Variants in PSME4 observed in about 807,000 individuals in gnomAD.
PSME4 encodes proteasome activator subunit 4.
Under a neutral mutation model 253.9 loss-of-function variants are expected in PSME4, and 89 were observed. The observed-to-expected ratio is 0.35, with a 90% CI of 0.30 to 0.42. PSME4 has a LOEUF of 0.42. PSME4 is among the 10% of genes least tolerant of loss of function. The probability of loss-of-function intolerance (pLI) is 1.00; values close to 1 mark genes in which losing one functional copy is unlikely to be tolerated. For missense variants in PSME4, 2,014 were observed against 2,195.2 expected, an observed-to-expected ratio of 0.92 and a Z score of 1.65; for synonymous variants, 851 against 759.2, an observed-to-expected ratio of 1.12 and a Z score of -1.99.
rs535149432 is a variant in PSME4, at chr2:53,936,709, G to A, written c.759+55C>T. ...TCTCCAAATTAAAAAAGTATGGGGG[G>A]GAAAAAAGAAAAAAAAAACTATAGG... On this transcript the variant is annotated intron_variant, in intron 6 of 46. Transcript: ENST00000404125. The A allele has an allele frequency of 7.6e-3, 9,543 of 1,257,792 alleles. 62 individuals are homozygous for A. The highest frequency in any genetic ancestry group is 8.5e-3 in the Non-Finnish European group (7,827 of 923,412). 77.9% of individuals were successfully genotyped at this position (1,257,792 alleles called of 1,614,324 possible). A position where few individuals can be genotyped will look rare whatever the true frequency, so the allele number is the denominator to read the frequency against.
chr2:53,912,698 C>T (rs1389418089), intron 20 of PSME4, among the ~76,000 whole-genome samples: 2 of 152,054 alleles, frequency 1.3e-5, no homozygotes, highest in Non-Finnish European at 2.9e-5. Flanking sequence ...ATCCCTGGCC[C>T]CAAGCAATCC....
At chr2:53,948,367 C>T (rs1669823213) in intron 3 of PSME4, 54 bp downstream of exon 3, 1 of 1,036,924 alleles carries the variant, frequency 9.6e-7, no homozygotes, top group East Asian at 2.4e-5. Flanking sequence ...CATGATCACC[C>T]CCCTAAAAAA....
At chr2:53,888,058 G>T in intron 38 of PSME4, 69 bp from the exon 39 acceptor site, 8 of 1,435,400 alleles carry the variant, frequency 5.6e-6, no homozygotes, top group Non-Finnish European at 1.9e-6. Context: ...AGTATGGACA[G>T]ACAATATCTG....
intron 7 of PSME4, 88 bp downstream of exon 7, chr2:53,935,999 T>C (rs1224622244): frequency 6.7e-7 from 1 of 1,493,646 alleles, no homozygotes; most frequent in Non-Finnish European, 8.9e-7. Context: ...GTTCAAGAGA[T>C]TCTCCTGCCT....
chr2:53,874,448 T>G lies in PSME4; in HGVS notation c.4991A>C (p.Tyr1664Ser). 2 of 1,614,060 alleles carry G rather than the reference T, an allele frequency of 1.2e-6. No individual in the cohort carries two copies. Among genetic ancestry groups the G allele is most frequent in the Non-Finnish European group, 1.7e-6 (2 of 1,179,932 alleles). The change falls in exon 43 of 47, where the codon TAC becomes TCC. Residue 1664 changes from tyrosine (Y) to serine (S), a missense_variant. Coordinates refer to ENST00000404125, the MANE Select transcript of PSME4 (RefSeq NM_014614.3). ...GTTATAAAATACCATGGTCTGGAGG[T>G]AGGTCAGTACTGTGTATCGTGCATG... ...SWHARYTVLT[Y>S]LQTMVFYNLF...
chr2:53,875,778 C>A lies in PSME4; in HGVS notation c.4816-23G>T, dbSNP rs1197750995. On this transcript the variant is annotated intron_variant, in intron 41 of 46. Transcript: ENST00000404125. ...AATCTAAAAAACAATGTAAAAAGGA[C>A]AAAAATGGAAAAATAATTGCCAATA... 4 of 1,599,464 alleles carry A rather than the reference C, an allele frequency of 2.5e-6. No individual in the cohort carries two copies. The Admixed American group carries it at 5.2e-5, about 21-fold the overall frequency.
chr2:53,873,238 CAAAAAAAAA>C (rs1678974580), intron 43 of PSME4, among the ~76,000 whole-genome samples: 1 of 123,154 alleles, frequency 8.1e-6, no homozygotes, highest in South Asian at 2.5e-4. Context: ...GACTCCGTCT[CAAAAAAAAA>C]GAAAAAAAAA....
chr2:53,886,639 G>A (rs542915915), intron 40 of PSME4, among the ~76,000 whole-genome samples: 2 of 152,256 alleles, frequency 1.3e-5, no homozygotes, highest in African/African-American at 4.8e-5. Flanking sequence ...AGAAGAGTCT[G>A]GCAGCTCTTC....
chr2:53,885,475 T>C (rs115678984), intron 41 of PSME4, among the ~76,000 whole-genome samples: 1 of 152,202 alleles, frequency 6.6e-6, no homozygotes, highest in Admixed American at 6.5e-5. Context: ...TAAATTTTCA[T>C]GTAGCTGTCA....
intron 17 of PSME4, 83 bp from the exon 18 acceptor site, chr2:53,921,187 C>T: frequency 6.3e-7 from 1 of 1,575,056 alleles, no homozygotes; most frequent in Admixed American, 1.9e-5. Flanking sequence ...AATGTTTGGC[C>T]ACTAACCTAG....
At chr2:53,952,168 G>A (rs1670028552) in intron 1 of PSME4, among the ~76,000 whole-genome samples, 1 of 152,174 alleles carries the variant, frequency 6.6e-6, no homozygotes, top group Non-Finnish European at 1.5e-5. Flanking sequence ...AGGCGTGGTG[G>A]CTCATGCCTG....
intron 20 of PSME4, among the ~76,000 whole-genome samples, chr2:53,918,019 A>C (rs1039684462): frequency 3.3e-5 from 5 of 152,224 alleles, no homozygotes; most frequent in Non-Finnish European, 7.3e-5. Flanking sequence ...TCAATGCCTA[A>C]GAACAGTTTT....
chr2:53,933,851 T>A (rs1446716811), intron 8 of PSME4, among the ~76,000 whole-genome samples: 1 of 152,226 alleles, frequency 6.6e-6, no homozygotes, highest in Admixed American at 6.5e-5. Context: ...TTTCAGTGTT[T>A]GCTCCTACTG....
intron 11 of PSME4, among the ~76,000 whole-genome samples, chr2:53,927,688 T>A (rs370602788): frequency 2.3e-4 from 35 of 152,196 alleles, no homozygotes; most frequent in Admixed American, 1.4e-3. Context: ...GGCTCACACC[T>A]GTAATCCCAA....
In PSME4 at chr2:53,906,619, T is replaced by C. The variant is rs1680671519; in HGVS notation, c.2922A>G (p.Leu974=). 1 of 1,596,596 alleles carries C rather than the reference T, an allele frequency of 6.3e-7. No individual in the cohort carries two copies. The highest frequency in any genetic ancestry group is 8.5e-7 in the Non-Finnish European group (1 of 1,172,424). The change falls in exon 26 of 47, where the codon TTA becomes TTG. Residue 974 remains leucine (L), a synonymous_variant. Coordinates refer to ENST00000404125, the MANE Select transcript of PSME4 (RefSeq NM_014614.3). The part of the protein sequence containing the change: ...HQDMIRDLLR[L]STSSYSQVRN... ...TTACCTGACTGTATGAACTTGTAGA[T>C]AAACGAAGAAGATCTCTGATCATAT...
Position 53,901,467 on chromosome 2 carries a change from A to C in PSME4, c.3168T>G (p.Ile1056Met), listed in dbSNP as rs1203120588. The C allele has an allele frequency of 1.2e-6, 2 of 1,614,106 alleles. No individual in the cohort carries two copies. Among genetic ancestry groups the C allele is most frequent in the East Asian group, 4.5e-5 (2 of 44,882 alleles). The change falls in exon 28 of 47, where the codon ATT becomes ATG. Residue 1056 changes from isoleucine (I) to methionine (M), a missense_variant. Ile to Met is a conservative substitution (Grantham distance 10, BLOSUM62 1). Coordinates refer to ENST00000404125, the MANE Select transcript of PSME4 (RefSeq NM_014614.3). Reference sequence around the variant, plus strand: ...TTGCTTGGCTAAGCCCTGAAGAAACAATCGCTGGCCACGTCTGTACAATAC... The same window carrying C: ...TTGCTTGGCTAAGCCCTGAAGAAACCATCGCTGGCCACGTCTGTACAATAC... ...WDCIVQTWPA[I>M]VSSGLSQAMS...
intron 20 of PSME4, among the ~76,000 whole-genome samples, chr2:53,911,660 C>T (rs1667833220): frequency 6.6e-6 from 1 of 151,978 alleles, no homozygotes; most frequent in Non-Finnish European, 1.5e-5. Flanking sequence ...TGTCTCCCCA[C>T]TGCTGCCATA....
At chr2:53,870,120 A>G (rs1181838092) in intron 43 of PSME4, 1 of 152,234 alleles carries the variant, frequency 6.6e-6, no homozygotes, top group Non-Finnish European at 1.5e-5. Context: ...AAAGCGGTAA[A>G]AAGACATTGT....
At chr2:53,923,178 T>A in intron 15 of PSME4, 60 bp from the exon 16 acceptor site, 1 of 1,507,368 alleles carries the variant, frequency 6.6e-7, no homozygotes. Flanking sequence ...CAAGATTATA[T>A]TTTCAGTGGC....
Sources: allele counts gnomAD v4.1 joint callset (sites outside exome capture counted in the v4.1 genomes callset), GRCh38; gene constraint gnomAD v4.1.1; transcripts MANE v1.5; gene names NCBI Gene and HGNC (gene_info 2026-07-23, HGNC 2026-07-21).